The following LARP1 variants were observed in gnomAD, a reference collection of about 807,000 sequenced individuals.
The protein encoded by LARP1 is La ribonucleoprotein 1, translational regulator.
A neutral mutation model predicts 122.7 loss-of-function variants in LARP1; 36 were observed. The observed-to-expected ratio is 0.29, with a 90% CI of 0.22 to 0.39. LARP1 has a LOEUF of 0.39. LARP1 is among the 10% of genes least tolerant of loss of function. The pLI, the probability that LARP1 is intolerant of heterozygous loss-of-function variation, is 1.00. For synonymous variants in LARP1, 539 were observed against 528.7 expected, an observed-to-expected ratio of 1.02 and a Z score of -0.27; for missense variants, 1,040 against 1,403.6, an observed-to-expected ratio of 0.74 and a Z score of 4.14.
At chr5:154,746,379 C>T (rs932920857) in intron 1 of LARP1, among the ~76,000 whole-genome samples, 4 of 152,216 alleles carry the variant, frequency 2.6e-5, no homozygotes, top group African/African-American at 9.6e-5. Context: ...CCTTTTGCCC[C>T]AATTTTGCCT....
chr5:154,685,810 T>A (rs1211336463), intron 1 of LARP1: 1 of 369,782 alleles, frequency 2.7e-6, no homozygotes, highest in Non-Finnish European at 5.2e-6. Flanking sequence ...AACTCTACAA[T>A]TTTTTTTTTT....
At chr5:154,796,113 T>C (rs1179137214) in intron 8 of LARP1, among the ~76,000 whole-genome samples, 1 of 94,558 alleles carries the variant, frequency 1.1e-5, no homozygotes, top group Non-Finnish European at 1.9e-5. Context: ...TTATATATAG[T>C]ATATATATTA....
intron 1 of LARP1, among the ~76,000 whole-genome samples, chr5:154,700,612 C>T (rs570229522): frequency 2.0e-5 from 3 of 152,150 alleles, no homozygotes; most frequent in Non-Finnish European, 4.4e-5. Flanking sequence ...GAGACAGGGT[C>T]TTGCTCTATC....
At chr5:154,809,471 A>G (rs987752371) in intron 16 of LARP1, among the ~76,000 whole-genome samples, 6 of 151,742 alleles carry the variant, frequency 4.0e-5, no homozygotes, top group African/African-American at 1.5e-4. Flanking sequence ...TCTGCCATCA[A>G]GCTTCCTAGT....
chr5:154,693,792 C>T (rs973702813), intron 1 of LARP1, among the ~76,000 whole-genome samples: 4 of 150,690 alleles, frequency 2.7e-5, no homozygotes, highest in African/African-American at 9.8e-5. Flanking sequence ...AGAGGCGGAG[C>T]TTGCAGTGAG....
At chr5:154,799,835 G>T (rs769594961) in intron 9 of LARP1, 38 bp from the exon 10 acceptor site, 3 of 1,611,708 alleles carry the variant, frequency 1.9e-6, no homozygotes, top group African/African-American at 1.3e-5. Context: ...TCAGGAGGAG[G>T]ACTGGAGGGA....
chr5:154,773,306 A>G (rs1755596099), intron 1 of LARP1, among the ~76,000 whole-genome samples: 2 of 152,180 alleles, frequency 1.3e-5, no homozygotes, highest in Non-Finnish European at 2.9e-5. Context: ...TTAGAAACAT[A>G]GGCTTTCAAG....
chr5:154,691,536 C>G (rs2113206407), intron 1 of LARP1, among the ~76,000 whole-genome samples: 1 of 152,300 alleles, frequency 6.6e-6, no homozygotes, highest in South Asian at 2.1e-4. Flanking sequence ...TGCTCCTGCC[C>G]GACGCCCAGC....
intron 1 of LARP1, among the ~76,000 whole-genome samples, chr5:154,724,762 G>C (rs1015322995): frequency 6.6e-6 from 1 of 151,742 alleles, no homozygotes; most frequent in Non-Finnish European, 1.5e-5. Context: ...AGCTTCCCAG[G>C]CTCAGGTGAT....
chr5:154,792,143 C>T (rs1757398838), intron 3 of LARP1: 1 of 344,562 alleles, frequency 2.9e-6, no homozygotes, highest in South Asian at 2.2e-5. Context: ...TTATAAAATT[C>T]TCTTGGGGCC....
chr5:154,769,753 C>T (rs1561584487), intron 1 of LARP1, among the ~76,000 whole-genome samples: 1 of 152,204 alleles, frequency 6.6e-6, no homozygotes, highest in Non-Finnish European at 1.5e-5. Context: ...CCTGTGTGAT[C>T]AGTCTCAGAG....
chr5:154,779,665 C>T (rs1450890905), intron 1 of LARP1, among the ~76,000 whole-genome samples: 3 of 152,108 alleles, frequency 2.0e-5, no homozygotes, highest in African/African-American at 7.2e-5. Flanking sequence ...TGCGCCACCA[C>T]ACCTGGCTAA....
Position 154,792,805 on chromosome 5 carries a change from C to G in LARP1, c.739+9C>G, listed in dbSNP as rs749427243. 5 of 1,612,970 alleles carry G rather than the reference C, an allele frequency of 3.1e-6. No homozygotes were observed. The South Asian group carries it at 3.3e-5, about 11-fold the overall frequency. On this transcript the variant is annotated intron_variant, in intron 4 of 18. Transcript: ENST00000518297. Reference sequence around the variant, plus strand: ...CGGGCAGAAGAAGAAAGGTGAGTGACTGGGAGCAGGACTTGGGAGAAGGTG... The same window carrying G: ...CGGGCAGAAGAAGAAAGGTGAGTGAGTGGGAGCAGGACTTGGGAGAAGGTG...
At chr5:154,800,083 G>A in intron 10 of LARP1, 41 bp downstream of exon 10, 1 of 1,584,650 alleles carries the variant, frequency 6.3e-7, no homozygotes, top group South Asian at 1.1e-5. Context: ...CTAGCACTCT[G>A]AGCTAGGGTG....
chr5:154,699,934 T>C (rs1035526267), intron 1 of LARP1, among the ~76,000 whole-genome samples: 2 of 152,222 alleles, frequency 1.3e-5, no homozygotes, highest in African/African-American at 4.8e-5. Context: ...CCCAAGGCGA[T>C]GGCAGAACCA....
chr5:154,689,280 C>T (rs1360672543), intron 1 of LARP1, among the ~76,000 whole-genome samples: 1 of 152,086 alleles, frequency 6.6e-6, no homozygotes, highest in African/African-American at 2.4e-5. Flanking sequence ...AGTGAAACCC[C>T]GTCTCTACCA....
At position 154,813,033 on chromosome 5, in the gene LARP1, T is replaced by C. The variant is rs950279164; in HGVS notation, c.3082-854T>C. Among the ~76,000 whole-genome samples, 6 of 152,328 alleles carry C rather than the reference T, an allele frequency of 3.9e-5. No homozygotes were observed. The East Asian group carries it at 9.7e-4, about 25-fold the overall frequency. On this transcript the variant is annotated intron_variant, in intron 18 of 18. Transcript: ENST00000518297. ...TTAAAACTGCCATTTATTAAGTGTT[T>C]ATTATGTGCCAGGTACTTTACATTG... is the stretch of plus-strand genomic sequence containing the variant.
chr5:154,786,699 T>A (rs745796939), intron 1 of LARP1: 1 of 247,828 alleles, frequency 4.0e-6, no homozygotes, highest in African/African-American at 2.3e-5. Context: ...ATGGAAACCA[T>A]TGGGCTCCAT....
chr5:154,757,832 TC>T (rs1185910014), intron 1 of LARP1, among the ~76,000 whole-genome samples: 6 of 26,980 alleles, frequency 2.2e-4, no homozygotes, highest in African/African-American at 1.0e-3. Flanking sequence ...CTGCTCCCCT[TC>T]CCCCCTGCTC....
Sources: allele counts gnomAD v4.1 joint callset (sites outside exome capture counted in the v4.1 genomes callset), GRCh38; gene constraint gnomAD v4.1.1; transcripts MANE v1.5; gene names NCBI Gene and HGNC (gene_info 2026-07-23, HGNC 2026-07-21).